PACS2: variants seen among roughly 807,000 people sequenced by gnomAD.
PACS2 encodes phosphofurin acidic cluster sorting protein 2.
PACS2 carries 36 observed loss-of-function variants against 113.0 expected under a neutral mutation model. The observed-to-expected ratio is 0.32, with a 90% CI of 0.24 to 0.42. PACS2 has a LOEUF of 0.42. Ranked by LOEUF, PACS2 falls within the 10% of genes least tolerant of loss-of-function variation. PACS2 has a pLI of 1.00. For synonymous variants in PACS2, 589 were observed against 536.1 expected (o/e 1.10, Z -1.36); for missense variants, 1,015 against 1,239.5 (o/e 0.82, Z 2.72).
At position 105,376,719 on chromosome 14, in the gene PACS2, G is replaced by A; in HGVS notation, c.802-49G>A. ...TGGGGTCTCGGGCGCCCCCAGTGGG[G>A]CAATGTGGGCTGCTGCAGGGAACTC... On this transcript the variant is annotated intron_variant, in intron 8 of 24. Transcript: ENST00000447393. The surrounding 1 kb of genome is among the most constrained non-coding windows in gnomAD (Gnocchi z 4.7). The A allele has an allele frequency of 1.9e-6, 3 of 1,588,800 alleles. No homozygotes were observed. The highest frequency in any genetic ancestry group is 2.6e-6 in the Non-Finnish European group (3 of 1,164,080).
upstream of PACS2, among the ~76,000 whole-genome samples, chr14:105,312,921 G>T (rs1307822119): frequency 6.6e-6 from 1 of 152,202 alleles, no homozygotes. Context: ...GGTACAGACT[G>T]TGTGGGTCAT....
intron 4 of PACS2, among the ~76,000 whole-genome samples, chr14:105,362,880 G>A (rs183981752): frequency 6.6e-6 from 1 of 152,288 alleles, no homozygotes; most frequent in African/African-American, 2.4e-5. Context: ...AAGTTGAAAT[G>A]ACTCCTTGAT....
upstream of PACS2, among the ~76,000 whole-genome samples, chr14:105,309,953 T>G (rs112219321): frequency 6.6e-6 from 1 of 151,594 alleles, no homozygotes; most frequent in African/African-American, 2.4e-5. The surrounding 1 kb of genome is among the most constrained non-coding windows in gnomAD (Gnocchi z 4.0). Context: ...ACCCGACTAA[T>G]TTTTGTATTT....
intron 4 of PACS2, among the ~76,000 whole-genome samples, chr14:105,361,777 C>A (rs2060692221): frequency 6.6e-6 from 1 of 152,062 alleles, no homozygotes; most frequent in South Asian, 2.1e-4. Flanking sequence ...TGGAGAAACC[C>A]CGTCTCTACT....
chr14:105,386,042 G>C (rs2081166020), intron 19 of PACS2, among the ~76,000 whole-genome samples: 1 of 152,232 alleles, frequency 6.6e-6, no homozygotes, highest in South Asian at 2.1e-4. Flanking sequence ...AGGTCGGCCA[G>C]GCAGGCCTTT....
In PACS2 at chr14:105,340,864, G is replaced by A. The variant is rs1185996835; in HGVS notation, c.120-7629G>A. On this transcript the variant is annotated intron_variant, in intron 1 of 24. Coordinates refer to ENST00000447393, the MANE Select transcript of PACS2 (RefSeq NM_001100913.3). The surrounding 1 kb of genome is among the most constrained non-coding windows in gnomAD (Gnocchi z 4.2). ...ACCTGCCCTTGCAGCCAGGGTGAAA[G>A]GAGTGGGCAGGGCCTGCTGCCTCTG... 6.6e-6 allele frequency among the ~76,000 whole-genome samples: 1 copy of A among 152,276 alleles called. No homozygotes were observed. Among genetic ancestry groups the A allele is most frequent in the Non-Finnish European group, 1.5e-5 (1 of 68,044 alleles).
At chr14:105,311,508 G>A (rs1011025057), upstream of PACS2, among the ~76,000 whole-genome samples, 4 of 152,164 alleles carry the variant, frequency 2.6e-5, no homozygotes, top group Non-Finnish European at 1.5e-5. Flanking sequence ...GTGCGCTTTG[G>A]CCTCCCAAAG....
chr14:105,357,929 G>A lies in PACS2; in HGVS notation c.423+2752G>A, dbSNP rs761925141. Among the ~76,000 whole-genome samples, 1 of 152,310 alleles carries A rather than the reference G, an allele frequency of 6.6e-6. No individual in the cohort carries two copies. Among genetic ancestry groups the A allele is most frequent in the African/African-American group, 2.4e-5 (1 of 41,574 alleles). On this transcript the variant is annotated intron_variant, in intron 4 of 24. Transcript: ENST00000447393. This position sits in a 1 kb window ranked among gnomAD's most constrained non-coding sequence, Gnocchi z 5.1. ...GGTGGGGTGAGGCGGGCTGTTGGGC[G>A]GACTCGAGGCCAGGGCTGAGAGTGT... is the stretch of plus-strand genomic sequence containing the variant.
Position 105,355,503 on chromosome 14 carries a change from C to G in PACS2, c.423+326C>G, listed in dbSNP as rs1385455759. On this transcript the variant is annotated intron_variant, in intron 4 of 24. Transcript: ENST00000447393. The surrounding 1 kb of genome is among the most constrained non-coding windows in gnomAD (Gnocchi z 4.1). ...TCTGGAGTCCTTCCCATGGAGGAATCGCTGCTGTCCCCACACCACGGGTGC... is the reference window on the plus strand; with the variant it reads ...TCTGGAGTCCTTCCCATGGAGGAATGGCTGCTGTCCCCACACCACGGGTGC... Among the ~76,000 whole-genome samples the G allele has an allele frequency of 6.6e-6, 1 of 152,212 alleles. No individual in the cohort carries two copies. The highest frequency in any genetic ancestry group is 1.5e-5 in the Non-Finnish European group (1 of 68,036).
chr14:105,323,321 G>C lies in PACS2; in HGVS notation c.119+8284G>C, dbSNP rs909640398. On this transcript the variant is annotated intron_variant, in intron 1 of 24. Coordinates refer to ENST00000447393, the MANE Select transcript of PACS2 (RefSeq NM_001100913.3). This position sits in a 1 kb window ranked among gnomAD's most constrained non-coding sequence, Gnocchi z 4.1. ...ATCCTCCACATCCATAGATGCACTG[G>C]GTGGTGTCAGTGGGCGGCGGCTGGC... Among the ~76,000 whole-genome samples the C allele has an allele frequency of 6.6e-6, 1 of 152,198 alleles. No homozygotes were observed. The highest frequency in any genetic ancestry group is 1.5e-5 in the Non-Finnish European group (1 of 68,044).
At chr14:105,345,242 C>T (rs1555402370) in intron 1 of PACS2, among the ~76,000 whole-genome samples, 2 of 152,084 alleles carry the variant, frequency 1.3e-5, no homozygotes, top group Non-Finnish European at 2.9e-5. Context: ...CCCGTCTCCA[C>T]TAAAAATACA....
At chr14:105,334,930 G>T (rs1009904957) in intron 1 of PACS2, among the ~76,000 whole-genome samples, 2 of 152,264 alleles carry the variant, frequency 1.3e-5, no homozygotes, top group East Asian at 3.8e-4. Flanking sequence ...CCTCCATGGG[G>T]TGGGGTTCCC....
chr14:105,324,161 T>G lies in PACS2; in HGVS notation c.119+9124T>G, dbSNP rs906845543. ...CTCTCTCTGCCCAGCATTCTCAGCATGCGTCTCAGGAAGGTTTGATGGAGT... is the reference window on the plus strand; with the variant it reads ...CTCTCTCTGCCCAGCATTCTCAGCAGGCGTCTCAGGAAGGTTTGATGGAGT... On this transcript the variant is annotated intron_variant, in intron 1 of 24. Coordinates refer to ENST00000447393, the MANE Select transcript of PACS2 (RefSeq NM_001100913.3). The surrounding 1 kb of genome is among the most constrained non-coding windows in gnomAD (Gnocchi z 4.7). 6.6e-6 allele frequency among the ~76,000 whole-genome samples: 1 copy of G among 152,170 alleles called. No homozygotes were observed. Among genetic ancestry groups the G allele is most frequent in the Admixed American group, 6.5e-5 (1 of 15,284 alleles).
At chr14:105,391,512 T>TGCCCCCCCCCC in intron 21 of PACS2, 119 bp from the exon 22 acceptor site, 1 of 611,316 alleles carries the variant, frequency 1.6e-6, no homozygotes, top group Non-Finnish European at 2.9e-6. Flanking sequence ...CACTGGGGAC[T>TGCCCCCCCCCC]CCCACCCTGC....
At chr14:105,381,545 G>T (rs1267590298) in intron 12 of PACS2, among the ~76,000 whole-genome samples, 2 of 152,260 alleles carry the variant, frequency 1.3e-5, no homozygotes, top group African/African-American at 4.8e-5. Flanking sequence ...GAGCCAGGTC[G>T]CCCTGGCAGC....
At position 105,385,791 on chromosome 14, in the gene PACS2, C is replaced by G. The variant is rs587773340; in HGVS notation, c.2033+74C>G. ...CTTCAGGGCTTGTTTGGCAGAGTCA[C>G]GTAGGAATCACCCCGCTGTCCTCTC... On this transcript the variant is annotated intron_variant, in intron 19 of 24. Transcript: ENST00000447393. The G allele has an allele frequency of 6.5e-6, 6 of 927,484 alleles. No homozygotes were observed. The Admixed American group carries it at 1.7e-4, about 27-fold the overall frequency. 57.5% of individuals were successfully genotyped at this position (927,484 alleles called of 1,614,324 possible). A position where few individuals can be genotyped will look rare whatever the true frequency, so the allele number is the denominator to read the frequency against.
chr14:105,393,475 A>T (rs2081431781), intron 24 of PACS2, 140 bp downstream of exon 24: 1 of 537,958 alleles, frequency 1.9e-6, no homozygotes, highest in Non-Finnish European at 3.2e-6. Context: ...AGCACATTCG[A>T]TGAAGCCCTC....
intron 1 of PACS2, among the ~76,000 whole-genome samples, chr14:105,328,873 C>T (rs1433451510): frequency 2.0e-5 from 3 of 152,264 alleles, no homozygotes; most frequent in Non-Finnish European, 4.4e-5. Flanking sequence ...GGCGTCCTCT[C>T]TCAGTGCCAC....
At chr14:105,309,809 G>A (rs189792986), upstream of PACS2, among the ~76,000 whole-genome samples, 97 of 137,572 alleles carry the variant, frequency 7.1e-4, 1 homozygote, top group East Asian at 0.013. The surrounding 1 kb of genome is among the most constrained non-coding windows in gnomAD (Gnocchi z 4.0). Context: ...TTTTTTAGAC[G>A]GAGTCTCACT....
Sources: allele counts gnomAD v4.1 joint callset (sites outside exome capture counted in the v4.1 genomes callset), GRCh38; gene constraint gnomAD v4.1.1; non-coding constraint Gnocchi (gnomAD v3.1); transcripts MANE v1.5; gene names NCBI Gene and HGNC (gene_info 2026-07-23, HGNC 2026-07-21).